MCM9: variants seen among roughly 807,000 people sequenced by gnomAD.
MCM9 encodes minichromosome maintenance 9 homologous recombination repair factor.
A neutral mutation model predicts 72.8 loss-of-function variants in MCM9; 55 were observed. The observed-to-expected ratio is 0.76, with a 90% confidence interval of 0.61 to 0.95. The LOEUF (loss-of-function observed/expected upper bound fraction) is 0.95, where lower values mean the gene tolerates loss of function less well. MCM9 is among the 40% of genes least tolerant of loss of function. The pLI is 0.00. For missense variants in MCM9, 1,279 were observed against 1,377.0 expected (o/e 0.93, Z 1.13); for synonymous variants, 480 against 503.4 (o/e 0.95, Z 0.62).
chr6:118,860,445 T>C (rs1776829375), intron 8 of MCM9, among the ~76,000 whole-genome samples: 1 of 152,016 alleles, frequency 6.6e-6, no homozygotes, highest in South Asian at 2.1e-4. Flanking sequence ...AAGAAGAGAA[T>C]ATCCAAGAAC....
intron 12 of MCM9, among the ~76,000 whole-genome samples, 193 bp downstream of exon 12, chr6:118,826,589 A>G (rs529680234): frequency 6.6e-6 from 1 of 152,298 alleles, no homozygotes; most frequent in South Asian, 2.1e-4. Flanking sequence ...AAGCAATGCC[A>G]CCCATGCAGC....
At chr6:118,837,837 T>C (rs142130494) in intron 9 of MCM9, among the ~76,000 whole-genome samples, 203 of 152,344 alleles carry the variant, frequency 1.3e-3, no homozygotes, top group African/African-American at 4.7e-3. Context: ...TGTCTTTTAA[T>C]TGGGACATTT....
rs985121576 is a variant in MCM9 at position 118,815,866 on chromosome 6, A to G, written c.2390T>C (p.Ile797Thr). ...CTCTCCTGGTGATGGAAGCAACCCA[A>G]TGTCCACTTTGCTCCTTTGGCCTGG... ...SEPGQRSKVD[I>T]GLLPSPGETG... is the part of the protein sequence containing the mutation. Residue 797 changes from isoleucine to threonine, a missense_variant, in exon 14 of 14, where the codon ATT becomes ACT. By Grantham distance (89) the Ile-to-Thr change is moderately conservative (BLOSUM62 -1). Transcript: ENST00000619706. 27 of 1,541,476 alleles carry G rather than the reference A, an allele frequency of 1.8e-5. No individual in the cohort carries two copies. In the Admixed American group the frequency reaches 4.3e-4, roughly 25 times the overall value.
chr6:118,910,424 TA>T (rs1004314644), intron 8 of MCM9, among the ~76,000 whole-genome samples: 3 of 152,144 alleles, frequency 2.0e-5, no homozygotes, highest in African/African-American at 7.2e-5. Context: ...ATCTTTGCAT[TA>T]AAAAGGAGGA....
At chr6:118,856,583 A>C (rs1418700192) in intron 8 of MCM9, 38 bp from the exon 9 acceptor site, 2 of 1,533,052 alleles carry the variant, frequency 1.3e-6, no homozygotes, top group South Asian at 1.2e-5. Context: ...TTTTATTTTC[A>C]AAAGCATTAT....
At chr6:118,928,695 A>AC (rs1782114760) in intron 3 of MCM9, among the ~76,000 whole-genome samples, 1 of 149,492 alleles carries the variant, frequency 6.7e-6, no homozygotes. Context: ...AAAAAAAAAA[A>AC]AATTTAAATA....
intron 3 of MCM9, among the ~76,000 whole-genome samples, chr6:118,928,422 G>T (rs986569794): frequency 2.0e-5 from 3 of 151,856 alleles, no homozygotes; most frequent in African/African-American, 7.3e-5. Flanking sequence ...AAAAAACAAA[G>T]AATACAGACT....
intron 8 of MCM9, among the ~76,000 whole-genome samples, chr6:118,901,463 T>TA (rs145983934): frequency 1.3e-5 from 2 of 152,312 alleles, no homozygotes; most frequent in Admixed American, 1.3e-4. Flanking sequence ...CATTATCTTA[T>TA]AAGAGGACTA....
chr6:118,833,448 G>C (rs1583366949), intron 9 of MCM9, among the ~76,000 whole-genome samples: 1 of 152,132 alleles, frequency 6.6e-6, no homozygotes, highest in Non-Finnish European at 1.5e-5. Context: ...TGGTGGTAAG[G>C]TAGCCACTGT....
intron 8 of MCM9, chr6:118,894,242 CTG>C (rs1472220337): frequency 2.8e-5 from 41 of 1,444,482 alleles, no homozygotes; most frequent in Middle Eastern, 2.5e-4. Flanking sequence ...CTGCAAAACA[CTG>C]TGGAGTGCTC....
In MCM9 at chr6:118,932,610, T is replaced by C. The variant is rs1782535871; in HGVS notation, c.-19A>G. The C allele has an allele frequency of 1.0e-6, 1 of 984,676 alleles. No homozygotes were observed. The highest frequency in any genetic ancestry group is 1.2e-6 in the Non-Finnish European group (1 of 829,364). The allele number at this position is 984,676 out of a possible 1,614,324, so 61.0% of individuals were successfully genotyped here. A position where few individuals can be genotyped will look rare whatever the true frequency, so the allele number is the denominator to read the frequency against. ...GCTATGTAACTGAAACACATACCAT[T>C]AATCAGACTGACAGCCAGTTCTGAC... On this transcript the variant is annotated 5_prime_UTR_variant, in exon 2 of 14. Transcript: ENST00000619706.
rs754600230 is a variant in MCM9, at chr6:118,931,676, A to G, written c.48T>C (p.Tyr16=). The change falls in exon 3 of 14, where the codon TAT becomes TAC. Residue 16 remains tyrosine (Y), a synonymous_variant. Coordinates refer to ENST00000619706, the MANE Select transcript of MCM9 (RefSeq NM_017696.3). The part of the protein sequence containing the change: ...VTLVGQVFES[Y]VSEYHKNDIL... ...TATCATTCTTATGGTATTCCGAAACATATGACTCAAACACTTGACCAACCA... is the reference window on the plus strand; with the variant it reads ...TATCATTCTTATGGTATTCCGAAACGTATGACTCAAACACTTGACCAACCA... 1.9e-6 allele frequency: 3 copies of G among 1,614,114 alleles called. No individual in the cohort carries two copies. Among genetic ancestry groups the G allele is most frequent in the Non-Finnish European group, 2.5e-6 (3 of 1,179,992 alleles).
At position 118,815,355 on chromosome 6, in the gene MCM9, C is replaced by T. The variant is rs55779481; in HGVS notation, c.2901G>A (p.Pro967=). The change falls in exon 14 of 14, where the codon CCG becomes CCA. Residue 967 remains proline, a synonymous_variant. Coordinates refer to ENST00000619706, the MANE Select transcript of MCM9 (RefSeq NM_017696.3). ...QRRTRRDAAL[P]VKRPGKLTST... is the part of the protein sequence containing the mutation. The stretch of plus-strand genomic sequence containing the variant: ...ATGTTAACTTTCCTGGACGCTTCAC[C>T]GGCAAGGCTGCGTCTCTTCTTGTTC... 16,862 of 1,550,022 alleles carry T rather than the reference C, an allele frequency of 0.011. 108 individuals carry two copies. The highest frequency in any genetic ancestry group is 0.013 in the Non-Finnish European group (15,401 of 1,146,546).
intron 8 of MCM9, among the ~76,000 whole-genome samples, chr6:118,866,760 C>G (rs1313594580): frequency 6.6e-6 from 1 of 152,054 alleles, no homozygotes; most frequent in Non-Finnish European, 1.5e-5. Flanking sequence ...GAAAACACAT[C>G]CAAAGAAGTA....
At chr6:118,913,089 A>G (rs779736811) in intron 7 of MCM9, 1 of 548,888 alleles carries the variant, frequency 1.8e-6, no homozygotes, top group Non-Finnish European at 3.1e-6. Flanking sequence ...AGAAAAATGT[A>G]ACTTCTTTCA....
chr6:118,856,674 T>A, intron 8 of MCM9, 129 bp from the exon 9 acceptor site: 1 of 961,950 alleles, frequency 1.0e-6, no homozygotes, highest in South Asian at 1.7e-5. Flanking sequence ...AACACAGGAG[T>A]TCGAGGCCTG....
chr6:118,879,571 A>C (rs774714828), intron 8 of MCM9, among the ~76,000 whole-genome samples: 2 of 152,230 alleles, frequency 1.3e-5, no homozygotes, highest in Non-Finnish European at 2.9e-5. Flanking sequence ...ATTTGTTTAC[A>C]TACTGTCTAT....
intron 8 of MCM9, among the ~76,000 whole-genome samples, chr6:118,884,831 AT>A (rs547478410): frequency 8.7e-4 from 133 of 152,342 alleles, no homozygotes; most frequent in African/African-American, 3.1e-3. Context: ...TAAAATGGGC[AT>A]TTTAAAAGGA....
intron 6 of MCM9, among the ~76,000 whole-genome samples, chr6:118,913,756 C>T (rs186423762): frequency 3.9e-5 from 6 of 152,050 alleles, no homozygotes; most frequent in South Asian, 2.1e-4. Context: ...TGCAGCACCA[C>T]GCCCAGCTAA....
Sources: allele counts gnomAD v4.1 joint callset (sites outside exome capture counted in the v4.1 genomes callset), GRCh38; gene constraint gnomAD v4.1.1; transcripts MANE v1.5; gene names NCBI Gene and HGNC (gene_info 2026-07-23, HGNC 2026-07-21).